Variants in CWC27 observed in about 807,000 individuals in gnomAD.
The protein encoded by CWC27 is spliceosome-associated protein CWC27 homolog.
A neutral mutation model predicts 63.6 loss-of-function variants in CWC27; 47 were observed. The observed-to-expected ratio is 0.74, with a 90% confidence interval of 0.58 to 0.94. The LOEUF is 0.94. Among genes scored for constraint, CWC27 ranks in the 40% least tolerant of loss-of-function variants. The pLI is 0.00. For missense variants in CWC27, 495 were observed against 554.3 expected (o/e 0.89, Z 1.07); for synonymous variants, 175 against 179.8 (o/e 0.97, Z 0.22).
chr5:64,789,102 A>G (rs1052801485), intron 7 of CWC27, 82 bp downstream of exon 7: 1 of 847,420 alleles, frequency 1.2e-6, no homozygotes, highest in Non-Finnish European at 1.8e-6. Context: ...CTCCTGCTAT[A>G]TCTGGCACAG....
intron 13 of CWC27, among the ~76,000 whole-genome samples, chr5:65,010,908 G>A (rs1381521481): frequency 6.6e-6 from 1 of 152,164 alleles, no homozygotes; most frequent in Non-Finnish European, 1.5e-5. Flanking sequence ...TACTATCAAG[G>A]AGCAAGGTGA....
chr5:64,890,549 ATT>A (rs547460761), intron 11 of CWC27, among the ~76,000 whole-genome samples: 1 of 149,390 alleles, frequency 6.7e-6, no homozygotes, highest in Non-Finnish European at 1.5e-5. Context: ...CTGTTGAGTT[ATT>A]TTTTTTTTCT....
intron 13 of CWC27, among the ~76,000 whole-genome samples, chr5:65,011,243 G>A (rs536439475): frequency 2.0e-5 from 3 of 152,212 alleles, no homozygotes; most frequent in East Asian, 3.9e-4. Context: ...CAAAAAAGCA[G>A]AGCCGCCACC....
intron 10 of CWC27, among the ~76,000 whole-genome samples, chr5:64,868,990 G>A (rs1395420025): frequency 6.6e-6 from 1 of 151,852 alleles, no homozygotes; most frequent in Non-Finnish European, 1.5e-5. Context: ...TCAATGAGAA[G>A]GTATATGTGT....
intron 11 of CWC27, among the ~76,000 whole-genome samples, chr5:64,909,014 G>A (rs1012182502): frequency 3.9e-5 from 6 of 152,106 alleles, no homozygotes; most frequent in Non-Finnish European, 8.8e-5. Context: ...TTTTGCAGTG[G>A]CTGGTACCGG....
chr5:64,852,703 C>T (rs1746165462), intron 10 of CWC27, among the ~76,000 whole-genome samples: 1 of 151,754 alleles, frequency 6.6e-6, no homozygotes, highest in Non-Finnish European at 1.5e-5. Flanking sequence ...GAACTCCTGA[C>T]CTCAGGTGAT....
At chr5:64,939,584 G>A (rs534526339) in intron 11 of CWC27, among the ~76,000 whole-genome samples, 4 of 152,338 alleles carry the variant, frequency 2.6e-5, no homozygotes, top group African/African-American at 9.6e-5. Flanking sequence ...CAAGTCAGGA[G>A]GCACAGGTGT....
chr5:64,937,278 G>T (rs1748374922), intron 11 of CWC27, among the ~76,000 whole-genome samples: 3 of 152,162 alleles, frequency 2.0e-5, no homozygotes, highest in Admixed American at 2.0e-4. Context: ...CTGTGTCCCA[G>T]AGATTCTGGT....
rs1334911570 is a variant in CWC27 at position 64,913,606 on chromosome 5, A to G, written c.1042+28060A>G. ...AAAATGAAATTTTGAAAGAAATTCT[A>G]TCTACAGTACCATAAAAATGTCAAA... On this transcript the variant is annotated intron_variant, in intron 11 of 13. Coordinates refer to ENST00000381070, the MANE Select transcript of CWC27 (RefSeq NM_005869.4). Among the ~76,000 whole-genome samples, 2 of 152,188 alleles carry G rather than the reference A, an allele frequency of 1.3e-5. 1 individual carries two copies. The highest frequency in any genetic ancestry group is 4.8e-5 in the African/African-American group (2 of 41,572).
chr5:64,887,100 C>T (rs1395070901), intron 11 of CWC27, among the ~76,000 whole-genome samples: 6 of 151,788 alleles, frequency 4.0e-5, no homozygotes, highest in Non-Finnish European at 5.9e-5. Flanking sequence ...TTAGTACCCT[C>T]ATGTCTTAAA....
chr5:64,990,972 A>G (rs1749527311), intron 13 of CWC27, among the ~76,000 whole-genome samples: 1 of 152,196 alleles, frequency 6.6e-6, no homozygotes, highest in Non-Finnish European at 1.5e-5. Context: ...AATGGAAATA[A>G]TGTGTGAGGT....
intron 10 of CWC27, among the ~76,000 whole-genome samples, chr5:64,840,925 CT>C (rs1457473333): frequency 6.6e-6 from 1 of 152,116 alleles, no homozygotes; most frequent in Non-Finnish European, 1.5e-5. Flanking sequence ...GATGTGGGGA[CT>C]GACACATTGT....
At chr5:65,013,179 C>G (rs1315486540) in intron 13 of CWC27, among the ~76,000 whole-genome samples, 1 of 152,178 alleles carries the variant, frequency 6.6e-6, no homozygotes, top group East Asian at 1.9e-4. Context: ...CTAGCAATCA[C>G]TAGTATGAGT....
At chr5:64,869,509 A>G (rs1746612711) in intron 10 of CWC27, among the ~76,000 whole-genome samples, 1 of 152,054 alleles carries the variant, frequency 6.6e-6, no homozygotes, top group Non-Finnish European at 1.5e-5. Context: ...TAGGAAACCC[A>G]CAGAGAAGTT....
At chr5:64,943,191 G>A (rs969453941) in intron 11 of CWC27, among the ~76,000 whole-genome samples, 17 of 151,924 alleles carry the variant, frequency 1.1e-4, no homozygotes, top group Non-Finnish European at 1.6e-4. Flanking sequence ...TGAAGTTAAC[G>A]AATAAAACAA....
At chr5:64,798,193 C>CTCT (rs1744349151) in intron 7 of CWC27, among the ~76,000 whole-genome samples, 1 of 152,088 alleles carries the variant, frequency 6.6e-6, no homozygotes, top group Admixed American at 6.6e-5. Context: ...TCATTTAATT[C>CTCT]TCTTATGTGA....
intron 11 of CWC27, among the ~76,000 whole-genome samples, chr5:64,900,060 C>G (rs1324891640): frequency 6.6e-6 from 1 of 152,090 alleles, no homozygotes; most frequent in Non-Finnish European, 1.5e-5. Context: ...TAACCATATG[C>G]TATTATTTTG....
intron 6 of CWC27, 117 bp from the exon 7 acceptor site, chr5:64,788,834 A>C (rs1743973883): frequency 1.5e-6 from 1 of 649,732 alleles, no homozygotes; most frequent in South Asian, 2.1e-5. Context: ...CTTTTTTAGA[A>C]CAGTCAGAAT....
At chr5:64,960,565 T>C (rs990914586) in intron 11 of CWC27, among the ~76,000 whole-genome samples, 36 of 152,128 alleles carry the variant, frequency 2.4e-4, no homozygotes, top group Non-Finnish European at 8.8e-5. Context: ...TGACTTTGTA[T>C]TTTCCAGAAA....
Sources: gnomAD v4.1 joint callset for allele counts (sites outside exome capture counted in the v4.1 genomes callset) on GRCh38, gnomAD v4.1.1 for gene constraint, MANE v1.5 for transcripts, NCBI Gene and HGNC (gene_info 2026-07-23, HGNC 2026-07-21) for gene names.